The following RNF135 variants were observed in gnomAD, a reference collection of about 807,000 sequenced individuals.
RNF135 encodes E3 ubiquitin-protein ligase RNF135.
Under a neutral mutation model 41.9 loss-of-function variants are expected in RNF135, and 46 were observed. The observed-to-expected ratio is 1.10, with a 90% CI of 0.87 to 1.40. The LOEUF is 1.40. RNF135 is among the 40% of genes most tolerant of loss of function. The probability of loss-of-function intolerance (pLI) is 0.00; values close to 1 mark genes in which losing one functional copy is unlikely to be tolerated. For missense variants in RNF135, 539 were observed against 549.8 expected, an observed-to-expected ratio of 0.98 and a Z score of 0.20; for synonymous variants, 238 against 223.8, an observed-to-expected ratio of 1.06 and a Z score of -0.57.
intron 2 of RNF135, among the ~76,000 whole-genome samples, chr17:30,986,795 A>G (rs1907621268): frequency 6.6e-6 from 1 of 152,222 alleles, no homozygotes; most frequent in African/African-American, 2.4e-5. Context: ...GGATTAAAAG[A>G]GGTATAAGAA....
intron 3 of RNF135, among the ~76,000 whole-genome samples, chr17:30,996,457 T>C (rs1908356976): frequency 6.6e-6 from 1 of 152,214 alleles, no homozygotes; most frequent in South Asian, 2.1e-4. Flanking sequence ...TTATCCATTT[T>C]TCTGTCTCTG....
At chr17:30,985,342 T>C (rs1907511471) in intron 2 of RNF135, among the ~76,000 whole-genome samples, 1 of 152,226 alleles carries the variant, frequency 6.6e-6, no homozygotes, top group South Asian at 2.1e-4. Context: ...TAGGCTGCTA[T>C]GTCTTCCTTC....
intron 1 of RNF135, among the ~76,000 whole-genome samples, chr17:30,973,908 G>A (rs761239702): frequency 7.9e-5 from 12 of 152,140 alleles, no homozygotes; most frequent in Admixed American, 4.6e-4. Flanking sequence ...TTGTTGAAGA[G>A]TCTATTCTCC....
rs564901394 is a variant in RNF135, at chr17:30,997,463, C to T, written c.769+132C>T. On this transcript the variant is annotated intron_variant, in intron 4 of 4. Transcript: ENST00000328381. ...GCACATGGATTTGTTCCAGGTCCCTCCACGGGGGGAGCTGATTGCAAAGGC... is the reference window on the plus strand; with the variant it reads ...GCACATGGATTTGTTCCAGGTCCCTTCACGGGGGGAGCTGATTGCAAAGGC... 1.2e-5 allele frequency: 10 copies of T among 808,232 alleles called. No individual in the cohort carries two copies. In the African/African-American group the frequency reaches 1.5e-4, roughly 12 times the overall value. The allele number at this position is 808,232 out of a possible 1,614,324, so 50.1% of individuals were successfully genotyped here.
At chr17:30,984,139 A>G (rs536791607) in intron 1 of RNF135, among the ~76,000 whole-genome samples, 1 of 152,234 alleles carries the variant, frequency 6.6e-6, no homozygotes, top group East Asian at 1.9e-4. Flanking sequence ...TGATGCACAA[A>G]TGTTTAAACA....
chr17:30,984,120 C>A (rs1038385313), intron 1 of RNF135, among the ~76,000 whole-genome samples: 1 of 152,034 alleles, frequency 6.6e-6, no homozygotes, highest in African/African-American at 2.4e-5. Context: ...CTCTATTGTT[C>A]GTGTCTTTTG....
Position 30,983,332 on chromosome 17 carries a change from T to C in RNF135, c.373-1285T>C, listed in dbSNP as rs1286389042. ...TTACATATATGTACATATATATATA[T>C]ATATATATATATATATATATATTTT... On this transcript the variant is annotated intron_variant, in intron 1 of 4. Coordinates refer to ENST00000328381, the MANE Select transcript of RNF135 (RefSeq NM_032322.4). 1.4e-3 allele frequency among the ~76,000 whole-genome samples: 49 copies of C among 34,542 alleles called. 1 individual carries two copies. The highest frequency in any genetic ancestry group is 4.5e-3 in the African/African-American group (47 of 10,554). The allele number at this position is 34,542 out of a possible 152,430, so 22.7% of individuals were successfully genotyped here.
intron 3 of RNF135, among the ~76,000 whole-genome samples, chr17:30,996,481 C>G (rs1348076165): frequency 6.6e-6 from 1 of 152,156 alleles, no homozygotes; most frequent in East Asian, 1.9e-4. Flanking sequence ...ACAGGGATTG[C>G]TTCAGTTCCG....
intron 3 of RNF135, among the ~76,000 whole-genome samples, chr17:30,989,984 CAAAA>C (rs10627734): frequency 2.4e-4 from 13 of 55,304 alleles, no homozygotes; most frequent in African/African-American, 4.1e-4. Context: ...AACTCTGTCT[CAAAA>C]AAAAAAAAAA....
intron 1 of RNF135, 44 bp downstream of exon 1, chr17:30,971,489 C>G (rs778015883): frequency 1.4e-6 from 2 of 1,451,420 alleles, no homozygotes; most frequent in South Asian, 1.4e-5. Flanking sequence ...CCCCGGGCTG[C>G]CCGCCGCCTG....
chr17:30,991,536 C>T (rs1241254191), intron 3 of RNF135, among the ~76,000 whole-genome samples: 1 of 151,754 alleles, frequency 6.6e-6, no homozygotes, highest in Non-Finnish European at 1.5e-5. Flanking sequence ...CCTGCCTCAG[C>T]CTCCTGAGTA....
At chr17:30,991,901 A>G (rs550924445) in intron 3 of RNF135, among the ~76,000 whole-genome samples, 1 of 151,122 alleles carries the variant, frequency 6.6e-6, no homozygotes, top group Non-Finnish European at 1.5e-5. Context: ...TATGGGTTTT[A>G]TAATGCCATA....
At chr17:30,985,858 G>T (rs932159869) in intron 2 of RNF135, among the ~76,000 whole-genome samples, 4 of 152,150 alleles carry the variant, frequency 2.6e-5, no homozygotes, top group African/African-American at 9.7e-5. Context: ...CATGCTGCCT[G>T]GCTCTGTGCG....
At chr17:30,969,722 C>T (rs1905722517), upstream of RNF135, among the ~76,000 whole-genome samples, 1 of 151,542 alleles carries the variant, frequency 6.6e-6, no homozygotes, top group African/African-American at 2.4e-5. Context: ...GAAATAACCA[C>T]AAACGCTTTT....
chr17:30,961,983 C>A, the RNF135 span, among the ~76,000 whole-genome samples: 1 of 152,250 alleles, frequency 6.6e-6, no homozygotes, highest in South Asian at 2.1e-4. Context: ...TCACATAAGA[C>A]TCCCATAAAG....
At chr17:30,970,774 G>A (rs1277861206), upstream of RNF135, 2 of 494,632 alleles carry the variant, frequency 4.0e-6, no homozygotes, top group African/African-American at 2.0e-5. Flanking sequence ...TTAATGGAGG[G>A]ACATCCAGCT....
intron 1 of RNF135, among the ~76,000 whole-genome samples, chr17:30,983,067 A>T (rs962770376): frequency 6.6e-6 from 1 of 151,872 alleles, no homozygotes; most frequent in African/African-American, 2.4e-5. Context: ...TTCAAGGGTT[A>T]TTTATGTTGT....
intron 1 of RNF135, chr17:30,972,692 GTTCA>G (rs1235593832): frequency 6.6e-6 from 1 of 152,198 alleles, no homozygotes; most frequent in Admixed American, 6.5e-5. Flanking sequence ...TGTTTTCAAA[GTTCA>G]TTCATGTTGT....
chr17:30,960,384 C>T, the RNF135 span, among the ~76,000 whole-genome samples: 10 of 151,340 alleles, frequency 6.6e-5, no homozygotes. Flanking sequence ...GAGTGAGACT[C>T]CGTCTCAAAA....
Sources: allele counts gnomAD v4.1 joint callset (sites outside exome capture counted in the v4.1 genomes callset), GRCh38; gene constraint gnomAD v4.1.1; transcripts MANE v1.5; gene names NCBI Gene and HGNC (gene_info 2026-07-23, HGNC 2026-07-21).